Variants in RIBC2 observed in about 807,000 individuals in gnomAD.
RIBC2 encodes the protein RIB43A-like with coiled-coils protein 2.
A neutral mutation model predicts 44.3 loss-of-function variants in RIBC2; 40 were observed. The ratio of observed to expected loss-of-function variants is 0.90; its 90% CI spans 0.70 to 1.18. The LOEUF is 1.18. RIBC2 is among the 50% of genes most tolerant of loss of function. The probability of loss-of-function intolerance (pLI) is 0.00; values close to 1 mark genes in which losing one functional copy is unlikely to be tolerated. For synonymous variants in RIBC2, 171 were observed against 175.0 expected (o/e 0.98, Z 0.18); for missense variants, 459 against 485.5 (o/e 0.95, Z 0.51).
chr22:45,427,058 A>T (rs1785159178), intron 5 of RIBC2, among the ~76,000 whole-genome samples: 1 of 152,184 alleles, frequency 6.6e-6, no homozygotes, highest in South Asian at 2.1e-4. Flanking sequence ...TGGAAATCAG[A>T]GTTACAATTT....
intron 3 of RIBC2, among the ~76,000 whole-genome samples, chr22:45,420,125 C>G (rs1299176743): frequency 2.0e-5 from 3 of 152,154 alleles, no homozygotes; most frequent in Non-Finnish European, 4.4e-5. Flanking sequence ...TTTCAGAGAC[C>G]TACAACGCCT....
At chr22:45,421,511 TTATTAATAATAATAATAG>T (rs2087479270) in intron 3 of RIBC2, among the ~76,000 whole-genome samples, 2 of 96,468 alleles carry the variant, frequency 2.1e-5, no homozygotes, top group Non-Finnish European at 2.0e-5. Flanking sequence ...AATAATAGTA[TTATTAATAATAATAATAG>T]TATTATTAAT....
chr22:45,422,994 G>A (rs571509633), intron 4 of RIBC2, among the ~76,000 whole-genome samples: 21 of 151,664 alleles, frequency 1.4e-4, no homozygotes, highest in Non-Finnish European at 2.4e-4. Flanking sequence ...TTGTTTGTTT[G>A]TTTTTGAGAC....
At position 45,414,569 on chromosome 22, in the gene RIBC2, C is replaced by A. The variant is rs75339285; in HGVS notation, c.211+166C>A. ...TGCCCAGGCTGGTCTGGAACTCCTG[C>A]GTGCAAGTGATCCTCCCACGTCAGT... On this transcript the variant is annotated intron_variant, in intron 2 of 6. Coordinates refer to ENST00000614167, the MANE Select transcript of RIBC2 (RefSeq NM_015653.5). 9.4e-3 allele frequency among the ~76,000 whole-genome samples: 1,424 copies of A among 151,542 alleles called. 29 individuals carry two copies. The highest frequency in any genetic ancestry group is 0.033 in the African/African-American group (1,342 of 41,290).
At chr22:45,432,245 A>C in intron 6 of RIBC2, 39 bp from the exon 7 acceptor site, 1 of 1,144,164 alleles carries the variant, frequency 8.7e-7, no homozygotes, top group Non-Finnish European at 1.3e-6. Flanking sequence ...GGAAGTATAC[A>C]CATTTGCTGA....
chr22:45,416,551 TC>T (rs2087426792), intron 2 of RIBC2, among the ~76,000 whole-genome samples: 1 of 152,128 alleles, frequency 6.6e-6, no homozygotes, highest in Admixed American at 6.5e-5. Flanking sequence ...AACCTCTGCC[TC>T]CCGGGTTCAA....
chr22:45,426,065 G>C lies in RIBC2; in HGVS notation c.793G>C (p.Ala265Pro), dbSNP rs1045099771. The change falls in exon 5 of 7, where the codon GCC (alanine) becomes CCC (proline). Residue 265 changes from alanine to proline, a missense_variant. Physicochemically the swap from Ala to Pro is conservative, Grantham distance 27. Transcript: ENST00000614167. The stretch of plus-strand genomic sequence containing the variant: ...GCTCTCCGAGAACCCGCAGCAGGCA[G>C]CCAGCTCCTTCGGGCCCCACCGCGT... ...DLLSENPQQA[A>P]SSFGPHRVVP... 2.0e-5 allele frequency: 32 copies of C among 1,613,944 alleles called. No homozygotes were observed. The Admixed American group carries it at 3.0e-4, about 15-fold the overall frequency.
intron 2 of RIBC2, among the ~76,000 whole-genome samples, chr22:45,416,846 G>A (rs1376957973): frequency 6.8e-6 from 1 of 147,430 alleles, no homozygotes; most frequent in Non-Finnish European, 1.5e-5. Context: ...TTCATTGGAT[G>A]TTTCCCACCT....
chr22:45,432,446 C>A lies in RIBC2; in HGVS notation c.*84C>A. The A allele has an allele frequency of 1.2e-6, 1 of 854,292 alleles. No homozygotes were observed. Among genetic ancestry groups the A allele is most frequent in the South Asian group, 1.5e-5 (1 of 65,660 alleles). 52.9% of individuals were successfully genotyped at this position (854,292 alleles called of 1,614,324 possible). On this transcript the variant is annotated 3_prime_UTR_variant, in exon 7 of 7. Transcript: ENST00000614167. ...CACGTTTCTTTTTTAAAGATACACTCCTTGGGCCACAAGTACCCTTCAGCT... is the reference window on the plus strand; with the variant it reads ...CACGTTTCTTTTTTAAAGATACACTACTTGGGCCACAAGTACCCTTCAGCT...
chr22:45,415,296 C>T (rs6006745), intron 2 of RIBC2, among the ~76,000 whole-genome samples: 68,595 of 151,006 alleles, frequency 0.45, 17,377 homozygotes, highest in African/African-American at 0.69. Context: ...ATACAATGGG[C>T]TGTTATGTTT....
chr22:45,432,283 G>C lies in RIBC2; in HGVS notation c.1071-1G>C. On this transcript the variant is annotated splice_acceptor_variant, in intron 6 of 6. Transcript: ENST00000614167. LOFTEE classifies it high-confidence loss of function. ...TTTTTTTTTTCTCATTTTGTTATCA[G>C]GAAAAAATATATGAATGAAGTCTAT... The C allele has an allele frequency of 6.6e-7, 1 of 1,519,336 alleles. No homozygotes were observed. Among genetic ancestry groups the C allele is most frequent in the Non-Finnish European group, 9.0e-7 (1 of 1,110,820 alleles). The allele number at this position is 1,519,336 out of a possible 1,614,324, so 94.1% of individuals were successfully genotyped here.
chr22:45,427,107 A>G (rs1476445053), intron 5 of RIBC2, among the ~76,000 whole-genome samples: 1 of 152,202 alleles, frequency 6.6e-6, no homozygotes, highest in Non-Finnish European at 1.5e-5. Flanking sequence ...AGATATCTGT[A>G]TCTATTAGGA....
chr22:45,425,638 G>A (rs111585182), intron 4 of RIBC2, among the ~76,000 whole-genome samples: 20 of 152,298 alleles, frequency 1.3e-4, no homozygotes, highest in African/African-American at 1.2e-4. Context: ...CCAGGCCCAC[G>A]CGGGGTGTCG....
At chr22:45,429,829 C>T (rs1248633159) in intron 5 of RIBC2, among the ~76,000 whole-genome samples, 2 of 152,126 alleles carry the variant, frequency 1.3e-5, no homozygotes, top group Non-Finnish European at 1.5e-5. Context: ...GACAGAAAAG[C>T]ACAAAGGGGG....
intron 5 of RIBC2, among the ~76,000 whole-genome samples, chr22:45,426,541 C>T (rs2087536288): frequency 6.6e-6 from 1 of 152,192 alleles, no homozygotes; most frequent in Admixed American, 6.5e-5. Flanking sequence ...GGGCGTGGAG[C>T]CTGGTGACTA....
At chr22:45,420,160 T>C (rs1389741222) in intron 3 of RIBC2, among the ~76,000 whole-genome samples, 2 of 152,220 alleles carry the variant, frequency 1.3e-5, no homozygotes, top group African/African-American at 4.8e-5. Flanking sequence ...TATCTCCTGC[T>C]ATGCTGCCCT....
intron 1 of RIBC2, 149 bp from the exon 2 acceptor site, chr22:45,414,173 G>A (rs1184104979): frequency 2.0e-6 from 3 of 1,478,056 alleles, no homozygotes; most frequent in Non-Finnish European, 2.7e-6. Flanking sequence ...GAGCTCGCCT[G>A]GAGTCACCAA....
intron 5 of RIBC2, among the ~76,000 whole-genome samples, chr22:45,426,468 G>A (rs898237282): frequency 2.6e-5 from 4 of 152,252 alleles, no homozygotes; most frequent in African/African-American, 7.2e-5. Flanking sequence ...AAGGGCGACC[G>A]GGCAGGGTGA....
chr22:45,416,805 A>G (rs1158325356), intron 2 of RIBC2, among the ~76,000 whole-genome samples: 1 of 151,344 alleles, frequency 6.6e-6, no homozygotes, highest in Non-Finnish European at 1.5e-5. Flanking sequence ...AATGTGTGCC[A>G]TTATTAGCAT....
Sources: gnomAD v4.1 joint callset for allele counts (sites outside exome capture counted in the v4.1 genomes callset) on GRCh38, gnomAD v4.1.1 for gene constraint, MANE v1.5 for transcripts, NCBI Gene and HGNC (gene_info 2026-07-23, HGNC 2026-07-21) for gene names.